The following CLEC12A variants were observed in gnomAD, a reference collection of about 807,000 sequenced individuals.
CLEC12A encodes C-type lectin domain family 12 member A, also known as C-type lectin protein CLL-1.
A neutral mutation model predicts 26.5 loss-of-function variants in CLEC12A; 22 were observed. The observed-to-expected ratio is 0.83, with a 90% CI of 0.59 to 1.19. The LOEUF (loss-of-function observed/expected upper bound fraction) is 1.19. Ranked by LOEUF, CLEC12A falls within the 50% of genes most tolerant of loss-of-function variation. CLEC12A has a pLI of 0.00. For synonymous variants in CLEC12A, 119 were observed against 101.9 expected (o/e 1.17, Z -1.01); for missense variants, 353 against 315.6 (o/e 1.12, Z -0.90).
rs1162724626 is a variant in CLEC12A at position 9,995,185 on chromosome 12, T to C, written n.1172T>C. The C allele has an allele frequency of 1.9e-6, 3 of 1,613,058 alleles. No homozygotes were observed. The highest frequency in any genetic ancestry group is 3.3e-5 in the Admixed American group (2 of 59,980). On this transcript the variant is annotated non_coding_transcript_exon_variant, in exon 5 of 5. Transcript: ENST00000449959. ...GCCATCCTCCCACTTCCAGACCTCATTCGACTTCTGGCGAGATAATCCGAC... is the reference window on the plus strand; with the variant it reads ...GCCATCCTCCCACTTCCAGACCTCACTCGACTTCTGGCGAGATAATCCGAC...
At chr12:9,962,313 A>T (rs1208803443) in intron 1 of CLEC12A, among the ~76,000 whole-genome samples, 1 of 136,312 alleles carries the variant, frequency 7.3e-6, no homozygotes, top group African/African-American at 2.8e-5. Flanking sequence ...TGAGTATATC[A>T]CTGTCACTGT....
the CLEC12A span, among the ~76,000 whole-genome samples, chr12:10,002,430 G>T: frequency 6.8e-5 from 10 of 147,720 alleles, no homozygotes; most frequent in African/African-American, 2.2e-4. Flanking sequence ...AAATTTACAA[G>T]TTGGGTAATG....
chr12:10,005,719 A>G, the CLEC12A span, among the ~76,000 whole-genome samples: 10 of 152,210 alleles, frequency 6.6e-5, no homozygotes, highest in African/African-American at 2.4e-4. Flanking sequence ...TGGGGTAAAT[A>G]TATTAATACA....
At chr12:9,961,209 A>G (rs545820451) in intron 1 of CLEC12A, among the ~76,000 whole-genome samples, 5 of 152,374 alleles carry the variant, frequency 3.3e-5, no homozygotes, top group African/African-American at 1.2e-4. Context: ...GCCTCCAGAC[A>G]GCAGACTTGA....
At chr12:9,986,752 A>C (rs1401356792), downstream of CLEC12A, among the ~76,000 whole-genome samples, 1 of 152,196 alleles carries the variant, frequency 6.6e-6, no homozygotes, top group Admixed American at 6.5e-5. Context: ...CAAAGGTGCC[A>C]GTGAGGTGAG....
chr12:9,984,048 AT>A, intron 5 of CLEC12A: 2 of 293,926 alleles, frequency 6.8e-6, no homozygotes, highest in Non-Finnish European at 1.3e-5. Context: ...CATTGTAGAT[AT>A]TTTCAGTTAT....
At chr12:9,975,870 C>T (rs565951497) in intron 1 of CLEC12A, among the ~76,000 whole-genome samples, 75 of 152,246 alleles carry the variant, frequency 4.9e-4, no homozygotes, top group Non-Finnish European at 1.0e-3. Context: ...AACTTGGTGC[C>T]CTGCATCCCA....
chr12:9,953,640 C>T (rs1385963340), intron 1 of CLEC12A, among the ~76,000 whole-genome samples: 5 of 150,934 alleles, frequency 3.3e-5, no homozygotes, highest in Non-Finnish European at 4.4e-5. Context: ...TGAGGGGCGC[C>T]TCTGCCCGGC....
intron 1 of CLEC12A, among the ~76,000 whole-genome samples, chr12:9,976,644 T>C (rs556966647): frequency 6.6e-6 from 1 of 152,272 alleles, no homozygotes; most frequent in African/African-American, 2.4e-5. Flanking sequence ...GAGTTAAGTC[T>C]TTTGGGGACT....
chr12:9,959,182 G>A (rs1259428831), intron 1 of CLEC12A, among the ~76,000 whole-genome samples: 1 of 152,174 alleles, frequency 6.6e-6, no homozygotes, highest in Non-Finnish European at 1.5e-5. Context: ...TGGGCGTGGT[G>A]GCTCACTCCT....
At chr12:9,972,812 T>C (rs575591060) in intron 1 of CLEC12A, among the ~76,000 whole-genome samples, 1 of 152,262 alleles carries the variant, frequency 6.6e-6, no homozygotes, top group South Asian at 2.1e-4. Flanking sequence ...AGAAGAAGGG[T>C]TTAAGAATTT....
At chr12:9,995,462 T>C (rs562259519) in exon 5 of CLEC12A, 8 of 489,258 alleles carry the variant, frequency 1.6e-5, no homozygotes, top group Non-Finnish European at 3.0e-5. Context: ...GTACACAAAA[T>C]AGCTGATATT....
downstream of CLEC12A, among the ~76,000 whole-genome samples, chr12:9,997,610 T>C (rs1391173162): frequency 2.0e-5 from 3 of 152,230 alleles, no homozygotes; most frequent in African/African-American, 7.2e-5. Flanking sequence ...TGACCTCTTA[T>C]TTTCTGTTCT....
downstream of CLEC12A, chr12:9,998,435 G>C: frequency 7.3e-7 from 1 of 1,365,100 alleles, no homozygotes; most frequent in East Asian, 2.3e-5. Context: ...TAGCTATGGG[G>C]AAGGCTCACC....
At chr12:9,963,230 CTTGG>C (rs1863869445) in intron 1 of CLEC12A, among the ~76,000 whole-genome samples, 1 of 152,036 alleles carries the variant, frequency 6.6e-6, no homozygotes. Context: ...TAATTACTTA[CTTGG>C]TTGGCAAGTT....
downstream of CLEC12A, chr12:9,997,320 C>G: frequency 1.3e-6 from 2 of 1,560,562 alleles, no homozygotes; most frequent in Non-Finnish European, 1.7e-6. Context: ...GTAATTAGAA[C>G]CATAGAAATG....
At chr12:9,961,147 T>G (rs1863821004) in intron 1 of CLEC12A, among the ~76,000 whole-genome samples, 1 of 152,198 alleles carries the variant, frequency 6.6e-6, no homozygotes, top group African/African-American at 2.4e-5. Context: ...AAAAGAAATG[T>G]CTGGGTTGTG....
the CLEC12A span, among the ~76,000 whole-genome samples, chr12:10,003,289 T>A: frequency 6.6e-6 from 1 of 152,194 alleles, no homozygotes; most frequent in Non-Finnish European, 1.5e-5. Context: ...CAAAGTGAAA[T>A]GAGCTTTTTT....
At chr12:9,978,938 G>A in intron 1 of CLEC12A, 28 bp from the exon 2 acceptor site, 1 of 1,484,074 alleles carries the variant, frequency 6.7e-7, no homozygotes, top group Non-Finnish European at 9.4e-7. Context: ...CCATTTTTAG[G>A]CCTCTCTGTT....
Sources: gnomAD v4.1 joint callset for allele counts (sites outside exome capture counted in the v4.1 genomes callset) on GRCh38, gnomAD v4.1.1 for gene constraint, MANE v1.5 for transcripts, NCBI Gene and HGNC (gene_info 2026-07-23, HGNC 2026-07-21) for gene names.